Variants in ACAP2 observed in about 807,000 individuals in gnomAD.
ACAP2 encodes arf-GAP with coiled-coil, ANK repeat and PH domain-containing protein 2.
ACAP2 carries 39 observed loss-of-function variants against 115.8 expected under a neutral mutation model. The observed-to-expected ratio is 0.34, with a 90% CI of 0.26 to 0.44. The LOEUF (loss-of-function observed/expected upper bound fraction) is 0.44, where lower values mean the gene tolerates loss of function less well. Among genes scored for constraint, ACAP2 ranks in the 20% least tolerant of loss-of-function variants. The pLI is 1.00. For missense variants in ACAP2, 662 were observed against 927.6 expected, an observed-to-expected ratio of 0.71 and a Z score of 3.72; for synonymous variants, 289 against 315.8, an observed-to-expected ratio of 0.92 and a Z score of 0.90.
At chr3:195,365,396 T>G (rs1244405465) in intron 4 of ACAP2, among the ~76,000 whole-genome samples, 1 of 152,158 alleles carries the variant, frequency 6.6e-6, no homozygotes, top group African/African-American at 2.4e-5. Flanking sequence ...ACACCTACTA[T>G]GCACCCACAA....
intron 6 of ACAP2, among the ~76,000 whole-genome samples, chr3:195,341,879 G>A (rs1267729656): frequency 6.6e-6 from 1 of 152,112 alleles, no homozygotes; most frequent in Non-Finnish European, 1.5e-5. Context: ...CCTAAAGGAA[G>A]TAACACAGGA....
intron 7 of ACAP2, among the ~76,000 whole-genome samples, chr3:195,335,187 C>T (rs73069067): frequency 0.013 from 2,001 of 152,162 alleles, 44 homozygotes; most frequent in African/African-American, 0.045. Flanking sequence ...TACATACTGT[C>T]TCTCTCATTA....
intron 5 of ACAP2, among the ~76,000 whole-genome samples, chr3:195,343,958 A>T (rs1731035086): frequency 6.6e-6 from 1 of 152,226 alleles, no homozygotes; most frequent in African/African-American, 2.4e-5. Flanking sequence ...CTGTAATCCC[A>T]GTGCTTTGGG....
intron 7 of ACAP2, among the ~76,000 whole-genome samples, chr3:195,335,670 A>C (rs532652585): frequency 1.8e-4 from 27 of 152,304 alleles, no homozygotes; most frequent in African/African-American, 6.0e-4. Flanking sequence ...TCTTTTAGAA[A>C]ACAGGAAGTA....
chr3:195,291,841 T>C (rs1427262755), intron 19 of ACAP2, 26 bp from the exon 20 acceptor site: 5 of 1,569,572 alleles, frequency 3.2e-6, no homozygotes, highest in Non-Finnish European at 4.3e-6. Flanking sequence ...AGGATAACTA[T>C]AGACAAAAGC....
At chr3:195,416,114 G>A (rs1041094552) in intron 1 of ACAP2, among the ~76,000 whole-genome samples, 1 of 152,324 alleles carries the variant, frequency 6.6e-6, no homozygotes, top group South Asian at 2.1e-4. Flanking sequence ...TTGGGAGGCC[G>A]AGGTGGGAGG....
At chr3:195,382,869 A>G (rs1382344644) in intron 2 of ACAP2, among the ~76,000 whole-genome samples, 1 of 151,622 alleles carries the variant, frequency 6.6e-6, no homozygotes, top group Non-Finnish European at 1.5e-5. Context: ...CTATGACAAA[A>G]CTATGCATGG....
chr3:195,308,680 T>G, intron 11 of ACAP2, 106 bp downstream of exon 11: 4 of 904,814 alleles, frequency 4.4e-6, no homozygotes, highest in Non-Finnish European at 6.7e-6. Flanking sequence ...TAATAAATAA[T>G]TACATTAATT....
At chr3:195,386,684 T>C (rs904653095) in intron 2 of ACAP2, among the ~76,000 whole-genome samples, 1 of 152,012 alleles carries the variant, frequency 6.6e-6, no homozygotes, top group Non-Finnish European at 1.5e-5. Flanking sequence ...CAAATGCATG[T>C]GGGACTTAAA....
intron 1 of ACAP2, among the ~76,000 whole-genome samples, chr3:195,397,805 T>C (rs536477259): frequency 1.3e-5 from 2 of 152,310 alleles, no homozygotes; most frequent in African/African-American, 4.8e-5. Context: ...ATTATTTACA[T>C]AGTGTTAAAG....
At chr3:195,296,058 A>G (rs959241068) in intron 16 of ACAP2, among the ~76,000 whole-genome samples, 166 bp from the exon 17 acceptor site, 1 of 152,160 alleles carries the variant, frequency 6.6e-6, no homozygotes, top group Non-Finnish European at 1.5e-5. Flanking sequence ...TTCCCTTCCA[A>G]ATACCTAATG....
At chr3:195,308,253 C>T (rs1728544460) in intron 11 of ACAP2, among the ~76,000 whole-genome samples, 1 of 152,010 alleles carries the variant, frequency 6.6e-6, no homozygotes, top group South Asian at 2.1e-4. Context: ...TTAAAAGGCA[C>T]CCTCTCTTTC....
At chr3:195,335,503 G>C (rs977436622) in intron 7 of ACAP2, among the ~76,000 whole-genome samples, 2 of 152,122 alleles carry the variant, frequency 1.3e-5, no homozygotes, top group African/African-American at 4.8e-5. Flanking sequence ...CACAGAAAGA[G>C]AGAAAAAGAC....
At chr3:195,331,471 C>T (rs914073003) in intron 8 of ACAP2, among the ~76,000 whole-genome samples, 3 of 152,042 alleles carry the variant, frequency 2.0e-5, no homozygotes, top group African/African-American at 7.2e-5. Context: ...TGCCACCACG[C>T]CTGGATAATT....
At position 195,279,434 on chromosome 3, in the gene ACAP2, T is replaced by A. The variant is rs1726343947; in HGVS notation, c.2237-6A>T. ...GTCCTGATAAGTTTCATCACCTGCA[T>A]GAAATAAAATAAAGACACTTTAAAC... On this transcript the variant is annotated splice_region_variant and splice_polypyrimidine_tract_variant and intron_variant, in intron 22 of 22. Transcript: ENST00000326793. 6.5e-7 allele frequency: 1 copy of A among 1,542,724 alleles called. No homozygotes were observed. The highest frequency in any genetic ancestry group is 1.4e-5 in the African/African-American group (1 of 72,118).
At chr3:195,405,020 G>A (rs1235063836) in intron 1 of ACAP2, among the ~76,000 whole-genome samples, 1 of 151,594 alleles carries the variant, frequency 6.6e-6, no homozygotes, top group African/African-American at 2.4e-5. Context: ...GGCTGGTCTC[G>A]AACTCCTGAT....
intron 4 of ACAP2, among the ~76,000 whole-genome samples, chr3:195,355,281 C>CTTTTTTTTTTT (rs11345721): frequency 3.2e-5 from 4 of 126,836 alleles, no homozygotes; most frequent in Admixed American, 8.1e-5. Context: ...TCTTTTTCTT[C>CTTTTTTTTTTT]TTTTTTTTTT....
intron 10 of ACAP2, among the ~76,000 whole-genome samples, chr3:195,317,272 C>T (rs1288320587): frequency 2.0e-5 from 3 of 151,796 alleles, no homozygotes; most frequent in African/African-American, 7.3e-5. Context: ...TTTAATAAAA[C>T]ATTAAATTTT....
At chr3:195,345,389 C>CTG in intron 4 of ACAP2, 72 bp from the exon 5 acceptor site, 1 of 833,642 alleles carries the variant, frequency 1.2e-6, no homozygotes, top group South Asian at 1.5e-5. Context: ...GCTATAAATA[C>CTG]CACATCCCTC....
Sources: gnomAD v4.1 joint callset for allele counts (sites outside exome capture counted in the v4.1 genomes callset) on GRCh38, gnomAD v4.1.1 for gene constraint, MANE v1.5 for transcripts, NCBI Gene and HGNC (gene_info 2026-07-23, HGNC 2026-07-21) for gene names.